RASEF: variants seen among roughly 807,000 people sequenced by gnomAD.
RASEF encodes the protein RAS and EF-hand domain containing.
RASEF carries 68 observed loss-of-function variants against 90.1 expected under a neutral mutation model. That is an observed-to-expected ratio of 0.75 (90% CI 0.62 to 0.92). The LOEUF is 0.92. Among genes scored for constraint, RASEF ranks in the 40% least tolerant of loss-of-function variants. The pLI is 0.00. For missense variants in RASEF, 949 were observed against 937.2 expected (o/e 1.01, Z -0.16); for synonymous variants, 331 against 345.2 (o/e 0.96, Z 0.46).
the RASEF span, among the ~76,000 whole-genome samples, chr9:83,148,685 G>A: frequency 1.3e-5 from 2 of 152,152 alleles, no homozygotes; most frequent in African/African-American, 4.8e-5. Flanking sequence ...GATACGATGT[G>A]GATTAGAGTG....
At chr9:82,997,463 G>T (rs902612388) in intron 13 of RASEF, among the ~76,000 whole-genome samples, 3 of 152,178 alleles carry the variant, frequency 2.0e-5, no homozygotes, top group African/African-American at 7.2e-5. Flanking sequence ...CCACATGTGG[G>T]ACACAGAGGA....
At chr9:83,066,645 C>CT (rs1830284122), upstream of RASEF, among the ~76,000 whole-genome samples, 1 of 152,196 alleles carries the variant, frequency 6.6e-6, no homozygotes, top group African/African-American at 2.4e-5. Flanking sequence ...TCAGCTTCCT[C>CT]TCTGGCTGCT....
At position 82,990,124 on chromosome 9, in the gene RASEF, C is replaced by T. The variant is rs150522485; in HGVS notation, c.2117+267G>A. ...CTGCTTCCTGGAAATGATTCATACA[C>T]GTCAACTATTAGCTTTGTGGTGACA... On this transcript the variant is annotated intron_variant, in intron 16 of 16. Coordinates refer to ENST00000376447, the MANE Select transcript of RASEF (RefSeq NM_152573.4). 1.8e-3 allele frequency among the ~76,000 whole-genome samples: 274 copies of T among 152,228 alleles called. 2 individuals are homozygous for T. Among genetic ancestry groups the T allele is most frequent in the African/African-American group, 6.2e-3 (258 of 41,538 alleles).
intron 1 of RASEF, among the ~76,000 whole-genome samples, chr9:83,027,459 G>A (rs1214767697): frequency 1.3e-5 from 2 of 152,144 alleles, no homozygotes; most frequent in African/African-American, 4.8e-5. Context: ...CCATACAAAA[G>A]ACACTCATCA....
Position 82,980,364 on chromosome 9 carries a change from T to C in RASEF, c.*2313A>G, listed in dbSNP as rs1463109373. The C allele has an allele frequency of 2.0e-5, 3 of 152,202 alleles. No homozygotes were observed. The highest frequency in any genetic ancestry group is 2.9e-5 in the Non-Finnish European group (2 of 68,026). 9.4% of individuals were successfully genotyped at this position (152,202 alleles called of 1,614,324 possible). On this transcript the variant is annotated 3_prime_UTR_variant, in exon 17 of 17. Transcript: ENST00000376447. The stretch of plus-strand genomic sequence containing the variant: ...GCTTTAAGAAGCTTCTCTTTAAACA[T>C]GATTGCTAACCAGAGCTCTAAGTCT...
At chr9:83,197,866 G>A in the RASEF span, among the ~76,000 whole-genome samples, 4 of 152,124 alleles carry the variant, frequency 2.6e-5, no homozygotes, top group Non-Finnish European at 5.9e-5. Flanking sequence ...CCCAGTGGAG[G>A]GTCTCTCCTC....
At chr9:83,218,299 A>G in the RASEF span, among the ~76,000 whole-genome samples, 2 of 152,146 alleles carry the variant, frequency 1.3e-5, no homozygotes, top group African/African-American at 4.8e-5. Context: ...ATAGTAATAG[A>G]TGGTAACTCT....
chr9:83,056,010 T>C (rs955561270), intron 1 of RASEF, among the ~76,000 whole-genome samples: 2 of 152,136 alleles, frequency 1.3e-5, no homozygotes, highest in African/African-American at 2.4e-5. Context: ...TGTATATATA[T>C]AGTGCCTAGT....
chr9:83,161,292 A>G, the RASEF span, among the ~76,000 whole-genome samples: 1 of 152,222 alleles, frequency 6.6e-6, no homozygotes, highest in African/African-American at 2.4e-5. Flanking sequence ...ACAGGGGCAA[A>G]GCTGCCTGAG....
intron 5 of RASEF, 48 bp downstream of exon 5, chr9:83,012,386 G>A: frequency 1.0e-6 from 1 of 956,172 alleles, no homozygotes; most frequent in Non-Finnish European, 1.6e-6. Context: ...GCATGAGGAT[G>A]TGGTCTAACA....
intron 1 of RASEF, among the ~76,000 whole-genome samples, chr9:83,039,204 G>C (rs7470762): frequency 0.029 from 4,411 of 151,948 alleles, 193 homozygotes; most frequent in African/African-American, 0.1. Flanking sequence ...TCTGAAAGTC[G>C]GCCCTGAATA....
At chr9:83,021,712 T>C (rs1321315112) in intron 3 of RASEF, among the ~76,000 whole-genome samples, 1 of 152,218 alleles carries the variant, frequency 6.6e-6, no homozygotes, top group East Asian at 1.9e-4. Context: ...TTAGGTATTA[T>C]AAGTAATCCA....
chr9:83,159,185 CA>C, the RASEF span, among the ~76,000 whole-genome samples: 80,362 of 103,202 alleles, frequency 0.78, 29,648 homozygotes, highest in Middle Eastern at 0.87. Flanking sequence ...GACTCCGTCT[CA>C]AAAAAAAAAA....
At chr9:83,123,874 C>T in the RASEF span, among the ~76,000 whole-genome samples, 1 of 152,222 alleles carries the variant, frequency 6.6e-6, no homozygotes, top group Admixed American at 6.5e-5. Context: ...TAAGTGCAAT[C>T]ACACTGTTGT....
chr9:83,135,576 T>C, the RASEF span, among the ~76,000 whole-genome samples: 1 of 152,142 alleles, frequency 6.6e-6, no homozygotes, highest in Non-Finnish European at 1.5e-5. Flanking sequence ...TATATCTCAA[T>C]AAACCAGCTA....
At chr9:83,055,624 C>T (rs1422055983) in intron 1 of RASEF, 3 of 718,132 alleles carry the variant, frequency 4.2e-6, no homozygotes, top group Non-Finnish European at 5.2e-6. Flanking sequence ...TGACAATGCA[C>T]ACAGTGTTAT....
At chr9:83,188,067 C>T in the RASEF span, among the ~76,000 whole-genome samples, 40 of 151,958 alleles carry the variant, frequency 2.6e-4, no homozygotes, top group East Asian at 7.2e-3. Flanking sequence ...TCAATAAATG[C>T]CCCTAATGGT....
intron 9 of RASEF, among the ~76,000 whole-genome samples, chr9:83,003,419 T>A (rs1166598282): frequency 6.6e-6 from 1 of 152,188 alleles, no homozygotes; most frequent in Admixed American, 6.5e-5. Flanking sequence ...CCAAAATGAA[T>A]CATGGTGAAA....
chr9:83,114,803 A>T, the RASEF span, among the ~76,000 whole-genome samples: 4 of 152,226 alleles, frequency 2.6e-5, no homozygotes, highest in African/African-American at 9.6e-5. Flanking sequence ...ATAAGATGTT[A>T]TCAGTGACAA....
Sources: gnomAD v4.1 joint callset for allele counts (sites outside exome capture counted in the v4.1 genomes callset) on GRCh38, gnomAD v4.1.1 for gene constraint, MANE v1.5 for transcripts, NCBI Gene and HGNC (gene_info 2026-07-23, HGNC 2026-07-21) for gene names.